Variants in HMCN2 observed in about 807,000 individuals in gnomAD.
HMCN2 encodes the protein hemicentin 2, also known as hemicentin-2.
A neutral mutation model predicts 377.5 loss-of-function variants in HMCN2; 325 were observed. The observed-to-expected ratio is 0.86, with a 90% CI of 0.79 to 0.94. The LOEUF (loss-of-function observed/expected upper bound fraction) is 0.94. Among genes scored for constraint, HMCN2 ranks in the 40% least tolerant of loss-of-function variants. HMCN2 has a pLI of 0.00. For missense variants in HMCN2, 4,543 were observed against 4,725.3 expected (o/e 0.96, Z 1.13); for synonymous variants, 2,007 against 2,046.8 (o/e 0.98, Z 0.53).
At chr9:130,363,363 T>G (rs1322505381) in intron 40 of HMCN2, among the ~76,000 whole-genome samples, 6 of 152,176 alleles carry the variant, frequency 3.9e-5, no homozygotes, top group Non-Finnish European at 8.8e-5. Context: ...TTTGCTTCTC[T>G]CGGCCACCAT....
intron 6 of HMCN2, among the ~76,000 whole-genome samples, chr9:130,296,458 G>A (rs1836156380): frequency 6.6e-6 from 1 of 152,228 alleles, no homozygotes; most frequent in Non-Finnish European, 1.5e-5. Context: ...CCTCAAGAGG[G>A]CTGCTCAGGT....
chr9:130,288,111 T>A (rs1386336207), intron 4 of HMCN2, among the ~76,000 whole-genome samples: 1 of 152,196 alleles, frequency 6.6e-6, no homozygotes, highest in African/African-American at 2.4e-5. Flanking sequence ...GGGAGAACTA[T>A]CTGGCCAATT....
intron 62 of HMCN2, among the ~76,000 whole-genome samples, chr9:130,389,347 A>G (rs1384734955): frequency 1.3e-5 from 2 of 152,148 alleles, no homozygotes; most frequent in African/African-American, 4.8e-5. Context: ...GAACATTTTT[A>G]TCACCAAAAG....
At chr9:130,431,123 G>T in intron 95 of HMCN2, 1 of 575,530 alleles carries the variant, frequency 1.7e-6, no homozygotes, top group Non-Finnish European at 3.1e-6. Context: ...GGGTCTGCGG[G>T]GTGGTGCTGC....
chr9:130,402,643 T>G, intron 77 of HMCN2, 146 bp from the exon 78 acceptor site: 1 of 398,874 alleles, frequency 2.5e-6, no homozygotes, highest in Non-Finnish European at 4.6e-6. Context: ...CAGGTTCCCA[T>G]ACAGTCACAT....
At chr9:130,399,290 T>C (rs1253175730) in intron 75 of HMCN2, among the ~76,000 whole-genome samples, 2 of 148,588 alleles carry the variant, frequency 1.3e-5, no homozygotes, top group South Asian at 4.3e-4. Context: ...TTTTTAAAAA[T>C]TGGAAAACCA....
intron 95 of HMCN2, 37 bp downstream of exon 95, chr9:130,430,641 G>A (rs759979012): frequency 4.2e-5 from 63 of 1,508,090 alleles, no homozygotes; most frequent in Non-Finnish European, 5.0e-5. Flanking sequence ...GGACACTGCC[G>A]TTATGGGCTC....
chr9:130,291,164 G>A (rs1835738835), intron 4 of HMCN2, among the ~76,000 whole-genome samples: 1 of 152,138 alleles, frequency 6.6e-6, no homozygotes, highest in Non-Finnish European at 1.5e-5. Flanking sequence ...CACTGTGATT[G>A]TTCAGGTGTA....
chr9:130,406,383 C>T (rs1843094185), intron 82 of HMCN2: 6 of 358,102 alleles, frequency 1.7e-5, no homozygotes, highest in South Asian at 8.5e-5. Flanking sequence ...GGCAAGAGGC[C>T]ACCTGAGAAG....
intron 22 of HMCN2, among the ~76,000 whole-genome samples, chr9:130,327,852 C>T (rs1261301862): frequency 4.6e-5 from 7 of 152,208 alleles, no homozygotes; most frequent in African/African-American, 1.4e-4. Flanking sequence ...GTCCCCGCCA[C>T]GACACACACC....
At chr9:130,385,956 C>T (rs1842002173) in intron 60 of HMCN2, among the ~76,000 whole-genome samples, 194 bp downstream of exon 60, 1 of 152,190 alleles carries the variant, frequency 6.6e-6, no homozygotes. Context: ...GAGTCACGTT[C>T]CAGACCCAGC....
Position 130,431,340 on chromosome 9 carries a change from C to T in HMCN2, c.14648-27C>T, listed in dbSNP as rs767168584. 14 of 1,543,962 alleles carry T rather than the reference C, an allele frequency of 9.1e-6. No individual in the cohort carries two copies. In the African/African-American group the frequency reaches 1.6e-4, roughly 18 times the overall value. ...TGCGTCTCTCTGCCCCCATCCCCCA[C>T]CTGCCCCACCCCCATGCCCGGGCCA... is the stretch of plus-strand genomic sequence containing the variant. On this transcript the variant is annotated intron_variant, in intron 95 of 97. Transcript: ENST00000683500.
chr9:130,282,636 G>A (rs975347544), intron 1 of HMCN2, among the ~76,000 whole-genome samples: 5 of 152,212 alleles, frequency 3.3e-5, no homozygotes, highest in African/African-American at 1.2e-4. Flanking sequence ...GCTCATCCTC[G>A]ATCATTGTGA....
intron 4 of HMCN2, among the ~76,000 whole-genome samples, chr9:130,293,906 C>G (rs1397907264): frequency 6.6e-6 from 1 of 152,022 alleles, no homozygotes; most frequent in Non-Finnish European, 1.5e-5. Context: ...AAGCAGCGAG[C>G]TGAAGTATAG....
chr9:130,377,369 T>G (rs973334575), intron 52 of HMCN2, among the ~76,000 whole-genome samples: 1 of 152,200 alleles, frequency 6.6e-6, no homozygotes, highest in Non-Finnish European at 1.5e-5. Context: ...AACCTTGGCC[T>G]CCCAAAGTTC....
intron 81 of HMCN2, 40 bp downstream of exon 81, chr9:130,405,099 C>A: frequency 8.2e-7 from 1 of 1,223,012 alleles, no homozygotes; most frequent in South Asian, 1.4e-5. Context: ...GGAATAATGG[C>A]TGAGACCCCT....
At chr9:130,352,130 T>C (rs1839760398) in intron 30 of HMCN2, among the ~76,000 whole-genome samples, 1 of 152,226 alleles carries the variant, frequency 6.6e-6, no homozygotes, top group East Asian at 1.9e-4. Flanking sequence ...CTACTTCTGA[T>C]ACCACTTGGA....
chr9:130,381,031 C>G (rs115285168), intron 54 of HMCN2, among the ~76,000 whole-genome samples: 5 of 152,250 alleles, frequency 3.3e-5, no homozygotes, highest in South Asian at 4.1e-4. Context: ...AACTGCCCCC[C>G]AGTCCTGCCC....
chr9:130,364,949 C>T (rs893284761), intron 41 of HMCN2, 60 bp downstream of exon 41: 2 of 938,544 alleles, frequency 2.1e-6, no homozygotes, highest in Non-Finnish European at 2.5e-6. Context: ...CAGGGTGGGG[C>T]CTGCAGGTGC....
Sources: allele counts gnomAD v4.1 joint callset (sites outside exome capture counted in the v4.1 genomes callset), GRCh38; gene constraint gnomAD v4.1.1; transcripts MANE v1.5; gene names NCBI Gene and HGNC (gene_info 2026-07-23, HGNC 2026-07-21).